The following RERG variants were observed in gnomAD, a reference collection of about 807,000 sequenced individuals.
RERG encodes the protein RAS like estrogen regulated growth inhibitor.
RERG carries 25 observed loss-of-function variants against 23.2 expected under a neutral mutation model. The observed-to-expected ratio is 1.08, with a 90% CI of 0.79 to 1.50. The LOEUF (loss-of-function observed/expected upper bound fraction) is 1.50. Ranked by LOEUF, RERG falls within the 40% of genes most tolerant of loss-of-function variation. RERG has a pLI of 0.00. For synonymous variants in RERG, 81 were observed against 89.1 expected (o/e 0.91, Z 0.51); for missense variants, 253 against 250.1 (o/e 1.01, Z -0.08).
intron 2 of RERG, among the ~76,000 whole-genome samples, chr12:15,148,880 T>G (rs1864385157): frequency 8.7e-6 from 1 of 114,470 alleles, no homozygotes; most frequent in Non-Finnish European, 1.7e-5. Context: ...TTTTTTTTTT[T>G]TTTTTTTAGA....
At chr12:15,213,432 G>A (rs1865396120) in intron 2 of RERG, among the ~76,000 whole-genome samples, 1 of 152,270 alleles carries the variant, frequency 6.6e-6, no homozygotes, top group Admixed American at 6.5e-5. Context: ...GAAAGTAAAT[G>A]TTTACCCGGC....
chr12:15,112,875 A>G (rs1216232328), intron 3 of RERG, among the ~76,000 whole-genome samples: 1 of 152,200 alleles, frequency 6.6e-6, no homozygotes, highest in East Asian at 1.9e-4. Flanking sequence ...GAAAGATTTA[A>G]GATCAAAGGA....
chr12:15,166,172 T>TGTCTG (rs1864684329), intron 2 of RERG, among the ~76,000 whole-genome samples: 1 of 152,388 alleles, frequency 6.6e-6, no homozygotes, highest in African/African-American at 2.4e-5. Context: ...ATAGCCCTGC[T>TGTCTG]GTCTGCCTTG....
At chr12:15,133,592 A>C (rs1406059429) in intron 2 of RERG, among the ~76,000 whole-genome samples, 1 of 152,118 alleles carries the variant, frequency 6.6e-6, no homozygotes, top group Non-Finnish European at 1.5e-5. Context: ...TTTTCAGACT[A>C]TTTGGGTAAA....
intron 2 of RERG, among the ~76,000 whole-genome samples, chr12:15,137,068 C>T (rs1434014478): frequency 2.6e-5 from 4 of 151,832 alleles, no homozygotes; most frequent in Non-Finnish European, 4.4e-5. Context: ...TTACCTCACA[C>T]ATTTTAATAT....
intron 2 of RERG, among the ~76,000 whole-genome samples, chr12:15,126,724 CTTTTT>C (rs71042228): frequency 7.5e-6 from 1 of 132,466 alleles, no homozygotes; most frequent in Non-Finnish European, 1.6e-5. Flanking sequence ...CTTTTTCTTT[CTTTTT>C]TTTTTTTTTT....
chr12:15,175,012 T>C (rs73306747), intron 2 of RERG, among the ~76,000 whole-genome samples: 10,140 of 152,168 alleles, frequency 0.067, 1,136 homozygotes, highest in African/African-American at 0.23. Flanking sequence ...TGGATAATTC[T>C]TTCTTGCTTT....
chr12:15,146,196 A>C (rs1565518549), intron 2 of RERG, among the ~76,000 whole-genome samples: 2 of 152,230 alleles, frequency 1.3e-5, no homozygotes, highest in East Asian at 3.8e-4. Flanking sequence ...AGTGATAAAT[A>C]AACTTTAAAT....
chr12:15,215,364 G>A (rs192543557), intron 2 of RERG, among the ~76,000 whole-genome samples: 6 of 152,230 alleles, frequency 3.9e-5, no homozygotes, highest in African/African-American at 1.2e-4. Context: ...GTGCGCAGAC[G>A]AAGAGCAAAC....
chr12:15,163,513 A>G (rs1301267507), intron 2 of RERG, among the ~76,000 whole-genome samples: 6 of 151,472 alleles, frequency 4.0e-5, no homozygotes, highest in African/African-American at 1.2e-4. Context: ...TAATAGTCAG[A>G]TGGTCTCTGC....
intron 2 of RERG, 193 bp downstream of exon 2, chr12:15,217,236 T>C (rs1028968962): frequency 3.3e-5 from 18 of 545,744 alleles, no homozygotes; most frequent in Non-Finnish European, 2.9e-5. Context: ...TACTTCAGCA[T>C]AAATAAGCAA....
intron 2 of RERG, among the ~76,000 whole-genome samples, chr12:15,193,977 C>T (rs958475899): frequency 3.3e-5 from 5 of 152,090 alleles, no homozygotes; most frequent in African/African-American, 1.2e-4. Flanking sequence ...ACTTTCCCAT[C>T]CCTCCCTCCA....
intron 2 of RERG, among the ~76,000 whole-genome samples, chr12:15,206,126 T>G (rs1042493572): frequency 1.3e-5 from 2 of 152,084 alleles, no homozygotes; most frequent in African/African-American, 4.8e-5. Context: ...CCCACTATTA[T>G]CATATAGCAC....
At chr12:15,189,297 G>A (rs1427944747) in intron 2 of RERG, among the ~76,000 whole-genome samples, 1 of 152,032 alleles carries the variant, frequency 6.6e-6, no homozygotes, top group Non-Finnish European at 1.5e-5. Flanking sequence ...GAATCTCTCT[G>A]ACCTCTTTCT....
At chr12:15,209,555 T>C (rs1166145598) in intron 2 of RERG, among the ~76,000 whole-genome samples, 5 of 152,180 alleles carry the variant, frequency 3.3e-5, no homozygotes, top group African/African-American at 9.7e-5. Context: ...AATAGAATAC[T>C]GCATTACAGG....
intron 2 of RERG, among the ~76,000 whole-genome samples, chr12:15,171,148 G>C (rs1220109202): frequency 6.6e-6 from 1 of 152,232 alleles, no homozygotes; most frequent in Non-Finnish European, 1.5e-5. Flanking sequence ...TGAGGGATGT[G>C]TGCATTCACC....
At chr12:15,195,604 T>G (rs1865134339) in intron 2 of RERG, among the ~76,000 whole-genome samples, 1 of 140,066 alleles carries the variant, frequency 7.1e-6, no homozygotes, top group Admixed American at 7.1e-5. Flanking sequence ...TGTGTGTGCA[T>G]GTGTGTGTTG....
At chr12:15,206,617 T>C (rs535653242) in intron 2 of RERG, among the ~76,000 whole-genome samples, 12 of 152,150 alleles carry the variant, frequency 7.9e-5, no homozygotes, top group African/African-American at 2.6e-4. Context: ...GGAGGTGGGG[T>C]CCTGAAACAT....
chr12:15,210,688 G>C (rs575035356), intron 2 of RERG, among the ~76,000 whole-genome samples: 2 of 152,046 alleles, frequency 1.3e-5, no homozygotes, highest in Non-Finnish European at 2.9e-5. Context: ...ACAGAGGTCT[G>C]CCTTTTATAC....
Sources: allele counts gnomAD v4.1 joint callset (sites outside exome capture counted in the v4.1 genomes callset), GRCh38; gene constraint gnomAD v4.1.1; transcripts MANE v1.5; gene names NCBI Gene and HGNC (gene_info 2026-07-23, HGNC 2026-07-21).